The following ANKRD39 variants were observed in gnomAD, a reference collection of about 807,000 sequenced individuals.
The protein encoded by ANKRD39 is ankyrin repeat domain-containing protein 39.
Under a neutral mutation model 20.3 loss-of-function variants are expected in ANKRD39, and 18 were observed. That is an observed-to-expected ratio of 0.89 (90% CI 0.61 to 1.32). The LOEUF (loss-of-function observed/expected upper bound fraction) is 1.32, where lower values mean the gene tolerates loss of function less well. Among genes scored for constraint, ANKRD39 ranks in the 40% most tolerant of loss-of-function variants. The pLI, the probability that ANKRD39 is intolerant of heterozygous loss-of-function variation, is 0.00. For missense variants in ANKRD39, 243 were observed against 250.7 expected (o/e 0.97, Z 0.21); for synonymous variants, 106 against 111.9 (o/e 0.95, Z 0.33).
intron 3 of ANKRD39, among the ~76,000 whole-genome samples, chr2:96,849,746 C>G (rs1312748142): frequency 6.6e-6 from 1 of 152,160 alleles, no homozygotes; most frequent in Admixed American, 6.5e-5. Flanking sequence ...CCACCTTGGC[C>G]TCCCAAAGTG....
chr2:96,850,961 C>G (rs1296855039), intron 3 of ANKRD39, among the ~76,000 whole-genome samples: 2 of 128,216 alleles, frequency 1.6e-5, no homozygotes, highest in Non-Finnish European at 3.0e-5. Flanking sequence ...ATTCACTGGG[C>G]ACCTATGCCC....
chr2:96,855,282 G>A (rs1028549265), intron 1 of ANKRD39, among the ~76,000 whole-genome samples: 3 of 152,104 alleles, frequency 2.0e-5, no homozygotes, highest in Non-Finnish European at 4.4e-5. Flanking sequence ...AAACAAAACA[G>A]CCAGATCTGA....
At chr2:96,850,681 C>A (rs1036451071) in intron 3 of ANKRD39, among the ~76,000 whole-genome samples, 67 of 137,468 alleles carry the variant, frequency 4.9e-4, no homozygotes, top group Middle Eastern at 7.4e-3. Context: ...CAAAACAAAA[C>A]AAAAAAAAAA....
chr2:96,854,291 T>G, intron 2 of ANKRD39, 47 bp downstream of exon 2: 269 of 1,565,570 alleles, frequency 1.7e-4, no homozygotes, highest in Non-Finnish European at 2.2e-4. Flanking sequence ...AGGTGTCTCC[T>G]GAGTTAACGC....
chr2:96,854,596 T>A (rs1347255956), intron 1 of ANKRD39, among the ~76,000 whole-genome samples, 155 bp from the exon 2 acceptor site: 1 of 152,228 alleles, frequency 6.6e-6, no homozygotes, highest in Non-Finnish European at 1.5e-5. Flanking sequence ...AGGTTTGTTC[T>A]GAATGCTGGT....
intron 3 of ANKRD39, among the ~76,000 whole-genome samples, chr2:96,850,867 A>G (rs1457097573): frequency 6.6e-6 from 1 of 152,234 alleles, no homozygotes; most frequent in Non-Finnish European, 1.5e-5. Flanking sequence ...CGTCTGAGCA[A>G]CACCATTAAA....
intron 2 of ANKRD39, 83 bp from the exon 3 acceptor site, chr2:96,853,687 T>C (rs1240479743): frequency 8.1e-6 from 11 of 1,364,534 alleles, no homozygotes; most frequent in South Asian, 2.5e-5. Flanking sequence ...ATGGCCTCCC[T>C]GCAGCGAGGG....
rs565138689 is a variant in ANKRD39 at position 96,849,372 on chromosome 2, G to C, written c.409-928C>G. Reference sequence around the variant, plus strand: ...AATTTTTAAAAATAGAGACAGGGCTGGGTGCAGTGGCTTATGCCTGTAATC... The same window carrying C: ...AATTTTTAAAAATAGAGACAGGGCTCGGTGCAGTGGCTTATGCCTGTAATC... On this transcript the variant is annotated intron_variant, in intron 3 of 3. Coordinates refer to ENST00000393537, the MANE Select transcript of ANKRD39 (RefSeq NM_016466.6). Among the ~76,000 whole-genome samples, 4 of 152,204 alleles carry C rather than the reference G, an allele frequency of 2.6e-5. No individual in the cohort carries two copies. In the South Asian group the frequency reaches 8.3e-4, roughly 32 times the overall value.
At chr2:96,849,997 C>T (rs770255301) in intron 3 of ANKRD39, among the ~76,000 whole-genome samples, 3 of 152,232 alleles carry the variant, frequency 2.0e-5, no homozygotes, top group Admixed American at 6.5e-5. Flanking sequence ...TCCCATTTTA[C>T]AGATGAAGAA....
At chr2:96,857,787 C>G in intron 1 of ANKRD39, 101 bp downstream of exon 1, 1 of 1,289,598 alleles carries the variant, frequency 7.8e-7, no homozygotes, top group Non-Finnish European at 1.1e-6. Context: ...GCCCCAAGCC[C>G]CAAGCTCTCG....
At chr2:96,856,172 T>C (rs1405644375) in intron 1 of ANKRD39, among the ~76,000 whole-genome samples, 1 of 152,178 alleles carries the variant, frequency 6.6e-6, no homozygotes, top group Non-Finnish European at 1.5e-5. Flanking sequence ...CGGTAAAAAT[T>C]GTTTTTTATG....
chr2:96,854,566 C>T (rs1039700264), intron 1 of ANKRD39, 125 bp from the exon 2 acceptor site: 10 of 881,400 alleles, frequency 1.1e-5, no homozygotes, highest in East Asian at 2.6e-5. Flanking sequence ...AAATATCAAC[C>T]GAGCACCTCC....
At position 96,854,304 on chromosome 2, in the gene ANKRD39, C is replaced by G. The variant is rs998656522; in HGVS notation, c.204+34G>C. ...GCAGGTGTCTCCTGAGTTAACGCTT[C>G]TGTCTCCTGACCCTGTGCTCCTCCC... On this transcript the variant is annotated intron_variant, in intron 2 of 3. Transcript: ENST00000393537. 3 of 1,600,628 alleles carry G rather than the reference C, an allele frequency of 1.9e-6. No individual in the cohort carries two copies. The African/African-American group carries it at 4.0e-5, about 21-fold the overall frequency.
intron 2 of ANKRD39, 61 bp downstream of exon 2, chr2:96,854,277 G>T (rs946735773): frequency 6.6e-7 from 1 of 1,507,702 alleles, no homozygotes; most frequent in South Asian, 1.2e-5. Flanking sequence ...CCTCCTCAGA[G>T]AGCAGGTGTC....
chr2:96,848,170 G>A lies in ANKRD39; in HGVS notation c.*131C>T. On this transcript the variant is annotated 3_prime_UTR_variant, in exon 4 of 4. Transcript: ENST00000393537. Reference sequence around the variant, plus strand: ...AAATCTACTCCCTCGCTTCCACAGTGACCAGACTGGGGCTCTTCCTGGGTG... The same window carrying A: ...AAATCTACTCCCTCGCTTCCACAGTAACCAGACTGGGGCTCTTCCTGGGTG... 7.7e-7 allele frequency: 1 copy of A among 1,290,498 alleles called. No homozygotes were observed. The highest frequency in any genetic ancestry group is 1.4e-5 in the South Asian group (1 of 70,622). 79.9% of individuals were successfully genotyped at this position (1,290,498 alleles called of 1,614,324 possible).
chr2:96,853,369 A>G (rs368268143), intron 3 of ANKRD39, 32 bp downstream of exon 3: 24 of 1,548,286 alleles, frequency 1.6e-5, no homozygotes, highest in Non-Finnish European at 1.6e-5. Context: ...AAAATAAGGA[A>G]ACGACATTTT....
At chr2:96,853,173 C>G (rs1341300469) in intron 3 of ANKRD39, among the ~76,000 whole-genome samples, 1 of 152,108 alleles carries the variant, frequency 6.6e-6, no homozygotes, top group Non-Finnish European at 1.5e-5. Flanking sequence ...TGACATGTCT[C>G]TAAGGGAAAG....
chr2:96,854,528 T>C (rs2079853982), intron 1 of ANKRD39, 87 bp from the exon 2 acceptor site: 2 of 1,251,746 alleles, frequency 1.6e-6, no homozygotes, highest in South Asian at 2.5e-5. Flanking sequence ...TTCTTGTCTA[T>C]AAAGTGAAGA....
chr2:96,851,858 G>A (rs537809106), intron 3 of ANKRD39, among the ~76,000 whole-genome samples: 4 of 152,218 alleles, frequency 2.6e-5, no homozygotes, highest in African/African-American at 9.6e-5. Flanking sequence ...GGGCTAACTT[G>A]TTAAATATGG....
Sources: allele counts gnomAD v4.1 joint callset (sites outside exome capture counted in the v4.1 genomes callset), GRCh38; gene constraint gnomAD v4.1.1; transcripts MANE v1.5; gene names NCBI Gene and HGNC (gene_info 2026-07-23, HGNC 2026-07-21).